Variants in RBFOX1 observed in about 807,000 individuals in gnomAD.
The protein encoded by RBFOX1 is RNA binding protein fox-1 homolog 1.
RBFOX1 carries 8 observed loss-of-function variants against 57.7 expected under a neutral mutation model. The ratio of observed to expected loss-of-function variants is 0.14; its 90% confidence interval spans 0.08 to 0.25. RBFOX1 has a LOEUF of 0.25. Ranked by LOEUF, RBFOX1 falls within the 10% of genes least tolerant of loss-of-function variation. RBFOX1 has a pLI of 1.00. For missense variants in RBFOX1, 611 were observed against 548.5 expected (o/e 1.11, Z -1.14); for synonymous variants, 326 against 222.4 (o/e 1.47, Z -4.15).
intron 3 of RBFOX1, among the ~76,000 whole-genome samples, chr16:5,645,088 A>T (rs1324331824): frequency 6.6e-6 from 1 of 151,938 alleles, no homozygotes; most frequent in African/African-American, 2.4e-5. Flanking sequence ...ATACAAAAAA[A>T]AAAAAAATAA....
At chr16:7,172,735 G>A (rs1421155264) in intron 4 of RBFOX1, among the ~76,000 whole-genome samples, 1 of 152,160 alleles carries the variant, frequency 6.6e-6, no homozygotes, top group Non-Finnish European at 1.5e-5. Flanking sequence ...CCTACATGGG[G>A]GCTCAGGTGG....
At chr16:7,599,431 C>G (rs1468678988) in intron 9 of RBFOX1, among the ~76,000 whole-genome samples, 1 of 148,558 alleles carries the variant, frequency 6.7e-6, no homozygotes, top group Non-Finnish European at 1.5e-5. Flanking sequence ...ATTTTATGAC[C>G]AGGGACTGAA....
At chr16:6,775,022 A>G (rs2079069398) in intron 3 of RBFOX1, among the ~76,000 whole-genome samples, 1 of 152,040 alleles carries the variant, frequency 6.6e-6, no homozygotes, top group Non-Finnish European at 1.5e-5. Context: ...ATCTTATATA[A>G]CATACCTAAA....
At chr16:5,281,270 T>C (rs1184951472) in intron 1 of RBFOX1, among the ~76,000 whole-genome samples, 1 of 152,248 alleles carries the variant, frequency 6.6e-6, no homozygotes, top group East Asian at 1.9e-4. Context: ...TCAAGTTTTA[T>C]TCCATTGTGG....
chr16:6,781,749 C>T (rs2081056655), intron 3 of RBFOX1, among the ~76,000 whole-genome samples: 1 of 151,992 alleles, frequency 6.6e-6, no homozygotes, highest in African/African-American at 2.4e-5. Flanking sequence ...CTTTGAATTT[C>T]TGTGGTATCT....
chr16:7,187,277 A>C lies in RBFOX1; in HGVS notation c.27+135179A>C, dbSNP rs143394610. ...AGTAGCATAACACAGGATATAAATA[A>C]TTAAAGTAATTTTTTCTTAAAGTGC... On this transcript the variant is annotated intron_variant, in intron 4 of 15. Coordinates refer to ENST00000550418, the MANE Select transcript of RBFOX1 (RefSeq NM_018723.4). 4.1e-3 allele frequency among the ~76,000 whole-genome samples: 617 copies of C among 151,840 alleles called. 4 individuals carry two copies. Among genetic ancestry groups the C allele is most frequent in the Non-Finnish European group, 7.5e-3 (508 of 68,028 alleles).
chr16:7,357,423 G>T (rs2097237623), intron 4 of RBFOX1, among the ~76,000 whole-genome samples: 2 of 152,146 alleles, frequency 1.3e-5, no homozygotes, highest in South Asian at 4.1e-4. Flanking sequence ...GTGGTGAGGT[G>T]CATGAATTGC....
intron 3 of RBFOX1, among the ~76,000 whole-genome samples, chr16:7,031,836 C>G (rs1003819540): frequency 6.6e-6 from 1 of 152,146 alleles, no homozygotes; most frequent in African/African-American, 2.4e-5. Context: ...CAACGTGGTC[C>G]TTGCTGGCCT....
chr16:6,478,781 A>G (rs113411757), intron 2 of RBFOX1, among the ~76,000 whole-genome samples: 1 of 152,074 alleles, frequency 6.6e-6, no homozygotes, highest in African/African-American at 2.4e-5. Context: ...AACACACACA[A>G]TCTTTATCAA....
intron 3 of RBFOX1, among the ~76,000 whole-genome samples, chr16:6,814,249 G>T (rs1194039103): frequency 2.7e-5 from 4 of 146,462 alleles, no homozygotes; most frequent in Non-Finnish European, 4.5e-5. Flanking sequence ...GAAAATTGTG[G>T]TGGGGGGGAG....
chr16:6,864,573 C>G (rs1037920554), intron 3 of RBFOX1, among the ~76,000 whole-genome samples: 2 of 147,974 alleles, frequency 1.4e-5, no homozygotes, highest in South Asian at 2.1e-4. Flanking sequence ...TAATCATGGC[C>G]TAATACATCA....
In RBFOX1 at chr16:7,545,573, A is replaced by G. The variant is rs1300560061; in HGVS notation, c.270+27184A>G. Among the ~76,000 whole-genome samples the G allele has an allele frequency of 2.0e-5, 3 of 152,278 alleles. No homozygotes were observed. In the East Asian group the frequency reaches 5.8e-4, roughly 29 times the overall value. ...TTTCTTAGAGCTTAGGTAGAATGCTACTGCGGCTGTTTTACTGAACCCCAG... is the reference window on the plus strand; with the variant it reads ...TTTCTTAGAGCTTAGGTAGAATGCTGCTGCGGCTGTTTTACTGAACCCCAG... On this transcript the variant is annotated intron_variant, in intron 5 of 15. Coordinates refer to ENST00000550418, the MANE Select transcript of RBFOX1 (RefSeq NM_018723.4).
At chr16:6,583,504 C>G (rs2097565891) in intron 2 of RBFOX1, among the ~76,000 whole-genome samples, 1 of 152,216 alleles carries the variant, frequency 6.6e-6, no homozygotes, top group African/African-American at 2.4e-5. Flanking sequence ...ATAACTAGAA[C>G]TTTATTAGCT....
intron 2 of RBFOX1, among the ~76,000 whole-genome samples, chr16:6,418,693 A>G (rs559855536): frequency 6.6e-6 from 1 of 151,712 alleles, no homozygotes; most frequent in Non-Finnish European, 1.5e-5. Flanking sequence ...TGGCTAATTT[A>G]AGAAGTAAAA....
chr16:6,533,611 C>T (rs1240620458), intron 2 of RBFOX1, among the ~76,000 whole-genome samples: 1 of 152,118 alleles, frequency 6.6e-6, no homozygotes, highest in African/African-American at 2.4e-5. Context: ...GAAAAAGCAC[C>T]AGTGCAATTT....
intron 1 of RBFOX1, among the ~76,000 whole-genome samples, chr16:6,288,705 T>C (rs1056978618): frequency 1.3e-5 from 2 of 152,142 alleles, no homozygotes; most frequent in African/African-American, 4.8e-5. Flanking sequence ...GTATGTTGCT[T>C]ACTGTCTCTG....
chr16:5,290,246 C>G (rs1324738009), intron 1 of RBFOX1, among the ~76,000 whole-genome samples: 1 of 152,178 alleles, frequency 6.6e-6, no homozygotes, highest in Non-Finnish European at 1.5e-5. Context: ...CCTCTAATCC[C>G]AGCTACTTGG....
At chr16:6,788,455 TA>T (rs1331380291) in intron 3 of RBFOX1, among the ~76,000 whole-genome samples, 4 of 150,686 alleles carry the variant, frequency 2.7e-5, no homozygotes, top group Admixed American at 6.6e-5. Context: ...ATTTTTTTTT[TA>T]TTATTATTTA....
At chr16:6,768,554 T>C (rs28396640) in intron 3 of RBFOX1, among the ~76,000 whole-genome samples, 1 of 151,622 alleles carries the variant, frequency 6.6e-6, no homozygotes, top group South Asian at 2.1e-4. Flanking sequence ...TATTTAGAGA[T>C]AGTGGGTATG....
Sources: gnomAD v4.1 joint callset for allele counts (sites outside exome capture counted in the v4.1 genomes callset) on GRCh38, gnomAD v4.1.1 for gene constraint, MANE v1.5 for transcripts, NCBI Gene and HGNC (gene_info 2026-07-23, HGNC 2026-07-21) for gene names.